SLC38A12: variants seen among roughly 807,000 people sequenced by gnomAD.
SLC38A12 encodes the protein putative sodium-coupled neutral amino acid transporter 12.
At chr17:74,811,241 G>A in the SLC38A12 span, among the ~76,000 whole-genome samples, 52 of 152,074 alleles carry the variant, frequency 3.4e-4, no homozygotes, top group African/African-American at 1.3e-3. Flanking sequence ...GAGGTGGGAG[G>A]ATTGCTTGAG....
At chr17:74,824,384 T>G in the SLC38A12 span, among the ~76,000 whole-genome samples, 2 of 152,098 alleles carry the variant, frequency 1.3e-5, no homozygotes, top group African/African-American at 4.8e-5. Context: ...TTCTTTGTGC[T>G]CACAGGCCCA....
the SLC38A12 span, among the ~76,000 whole-genome samples, chr17:74,821,827 G>A: frequency 6.6e-6 from 1 of 152,232 alleles, no homozygotes; most frequent in Non-Finnish European, 1.5e-5. Flanking sequence ...GTGTGGGACT[G>A]GCTGCACTTG....
chr17:74,812,566 CA>C, the SLC38A12 span, among the ~76,000 whole-genome samples: 1 of 152,226 alleles, frequency 6.6e-6, no homozygotes, highest in African/African-American at 2.4e-5. Context: ...CCACCAAGAG[CA>C]GCCCTGGAGT....
At chr17:74,806,311 G>A in the SLC38A12 span, among the ~76,000 whole-genome samples, 6 of 152,134 alleles carry the variant, frequency 3.9e-5, no homozygotes, top group Admixed American at 2.0e-4. Flanking sequence ...CTTCTCACTG[G>A]TATAAGATAG....
the SLC38A12 span, among the ~76,000 whole-genome samples, chr17:74,796,845 A>C: frequency 6.6e-6 from 1 of 152,244 alleles, no homozygotes; most frequent in South Asian, 2.1e-4. Flanking sequence ...GGGTGAGCCC[A>C]GGCACTAGCA....
the SLC38A12 span, among the ~76,000 whole-genome samples, chr17:74,788,131 C>G: frequency 6.6e-6 from 1 of 152,174 alleles, no homozygotes; most frequent in Non-Finnish European, 1.5e-5. Flanking sequence ...GATGATTTTT[C>G]CAATCTAGTC....
chr17:74,802,539 G>C, the SLC38A12 span, among the ~76,000 whole-genome samples: 38 of 152,270 alleles, frequency 2.5e-4, no homozygotes, highest in Admixed American at 2.0e-3. Flanking sequence ...TGACAGTTGG[G>C]TGTCTCTGGC....
At chr17:74,836,456 C>T in the SLC38A12 span, 1 of 1,608,590 alleles carries the variant, frequency 6.2e-7, no homozygotes. The surrounding 1 kb of genome is among the most constrained non-coding windows in gnomAD (Gnocchi z 4.2). Context: ...ACCTGGAGTC[C>T]CTGGTGGGCA....
the SLC38A12 span, among the ~76,000 whole-genome samples, chr17:74,791,956 C>A: frequency 6.9e-6 from 1 of 145,680 alleles, no homozygotes; most frequent in Non-Finnish European, 1.5e-5. Flanking sequence ...ACCATCCTGG[C>A]TAACACGGTG....
At chr17:74,794,752 T>G in the SLC38A12 span, among the ~76,000 whole-genome samples, 1 of 151,974 alleles carries the variant, frequency 6.6e-6, no homozygotes, top group African/African-American at 2.4e-5. Context: ...CTTCAAAATC[T>G]CTCTGATCCT....
At chr17:74,830,189 T>C in the SLC38A12 span, among the ~76,000 whole-genome samples, 2 of 152,226 alleles carry the variant, frequency 1.3e-5, no homozygotes. Context: ...CTTCAGCTGC[T>C]ACAAGGGCTT....
At chr17:74,812,725 G>C in the SLC38A12 span, among the ~76,000 whole-genome samples, 2 of 152,164 alleles carry the variant, frequency 1.3e-5, no homozygotes, top group South Asian at 2.1e-4. Context: ...GCTCCCACAG[G>C]TCTCTGTGCG....
the SLC38A12 span, among the ~76,000 whole-genome samples, chr17:74,789,346 A>G: frequency 9.2e-5 from 14 of 152,072 alleles, no homozygotes; most frequent in Non-Finnish European, 2.9e-5. Flanking sequence ...CCTGGCCAAC[A>G]TGGTGAAACC....
the SLC38A12 span, chr17:74,839,223 A>C: frequency 6.9e-7 from 1 of 1,449,832 alleles, no homozygotes; most frequent in Non-Finnish European, 9.1e-7. Context: ...TGGGTGGTGG[A>C]GGTGGGCAGT....
the SLC38A12 span, among the ~76,000 whole-genome samples, chr17:74,821,264 C>A: frequency 6.6e-6 from 1 of 152,258 alleles, no homozygotes; most frequent in African/African-American, 2.4e-5. Flanking sequence ...GGCACATCAT[C>A]TGGGCCTAGC....
At chr17:74,831,483 C>G in the SLC38A12 span, among the ~76,000 whole-genome samples, 3 of 152,194 alleles carry the variant, frequency 2.0e-5, no homozygotes, top group African/African-American at 7.2e-5. Context: ...TCTTCTGCCT[C>G]CCCTTGTCAT....
the SLC38A12 span, chr17:74,785,794 T>C: frequency 1.4e-6 from 1 of 699,104 alleles, no homozygotes; most frequent in Non-Finnish European, 2.3e-6. Context: ...TGGCTTGTCT[T>C]TGTGGAGCGG....
chr17:74,835,944 G>C, the SLC38A12 span: 4 of 1,608,534 alleles, frequency 2.5e-6, no homozygotes, highest in South Asian at 4.4e-5. Context: ...CGTCATGATT[G>C]TGCTGGCCCT....
the SLC38A12 span, among the ~76,000 whole-genome samples, chr17:74,817,305 A>C: frequency 6.6e-6 from 1 of 152,038 alleles, no homozygotes; most frequent in South Asian, 2.1e-4. Context: ...CCCAAGCGTT[A>C]TGGTCGGTCT....
Sources: allele counts gnomAD v4.1 joint callset (sites outside exome capture counted in the v4.1 genomes callset), GRCh38; gene constraint gnomAD v4.1.1; non-coding constraint Gnocchi (gnomAD v3.1); transcripts MANE v1.5; gene names NCBI Gene and HGNC (gene_info 2026-07-23, HGNC 2026-07-21).